The following DEPDC7 variants were observed in gnomAD, a reference collection of about 807,000 sequenced individuals.
The protein encoded by DEPDC7 is DEP domain containing 7, also known as DEP domain-containing protein 7.
A neutral mutation model predicts 56.6 loss-of-function variants in DEPDC7; 41 were observed. That is an observed-to-expected ratio of 0.72 (90% CI 0.56 to 0.94). DEPDC7 has a LOEUF of 0.94. DEPDC7 is among the 40% of genes least tolerant of loss of function. The probability of loss-of-function intolerance (pLI) is 0.00; values close to 1 mark genes in which losing one functional copy is unlikely to be tolerated. For synonymous variants in DEPDC7, 185 were observed against 208.8 expected (o/e 0.89, Z 0.98); for missense variants, 522 against 596.3 (o/e 0.88, Z 1.30).
chr11:33,028,657 ACCTT>A lies in DEPDC7; in HGVS notation c.650_653del (p.Leu217HisfsTer7). ...ATTGGGCGTCTACTACAACTTGTAG[ACCTT>A]CCACTTCTTGACTCCTTACTGAAAC... On this transcript the variant is annotated frameshift_variant, in exon 4 of 9. Coordinates refer to ENST00000241051, the MANE Select transcript of DEPDC7 (RefSeq NM_001077242.2). LOFTEE classifies it high-confidence loss of function. 2 of 1,613,448 alleles carry A rather than the reference ACCTT, an allele frequency of 1.2e-6. No homozygotes were observed. Among genetic ancestry groups the A allele is most frequent in the Non-Finnish European group, 1.7e-6 (2 of 1,179,826 alleles).
At chr11:33,031,985 TTTCTC>T (rs35089150) in intron 5 of DEPDC7, among the ~76,000 whole-genome samples, 60,681 of 151,514 alleles carry the variant, frequency 0.4, 12,224 homozygotes, top group East Asian at 0.45. Flanking sequence ...TTTCAGAAAA[TTTCTC>T]TTATTTTTCT....
At chr11:33,032,001 C>G (rs1228786751) in intron 5 of DEPDC7, among the ~76,000 whole-genome samples, 3 of 152,050 alleles carry the variant, frequency 2.0e-5, no homozygotes, top group Non-Finnish European at 1.5e-5. Flanking sequence ...TTATTTTTCT[C>G]AAGGAGAGTT....
In DEPDC7 at chr11:33,025,656, T is replaced by C. The variant is rs1444547475; in HGVS notation, c.74-3T>C. The C allele has an allele frequency of 3.1e-6, 5 of 1,595,162 alleles. No homozygotes were observed. Among genetic ancestry groups the C allele is most frequent in the Non-Finnish European group, 4.3e-6 (5 of 1,167,098 alleles). On this transcript the variant is annotated splice_region_variant and splice_polypyrimidine_tract_variant and intron_variant, in intron 1 of 8. Coordinates refer to ENST00000241051, the MANE Select transcript of DEPDC7 (RefSeq NM_001077242.2). Reference sequence around the variant, plus strand: ...AGTTTCTCTATGATTTTTCTCCTTCTAGGTTTCAGTGTAGCTCAGAAGCCA... The same window carrying C: ...AGTTTCTCTATGATTTTTCTCCTTCCAGGTTTCAGTGTAGCTCAGAAGCCA...
Position 33,027,687 on chromosome 11 carries a change from T to C in DEPDC7, c.466T>C (p.Tyr156His), listed in dbSNP as rs576262565. The change falls in exon 3 of 9, where the codon TAT (tyrosine) becomes CAT (histidine). Residue 156 changes from tyrosine to histidine, a missense_variant and splice_region_variant. By Grantham distance (83) the Tyr-to-His change is moderately conservative. Coordinates refer to ENST00000241051, the MANE Select transcript of DEPDC7 (RefSeq NM_001077242.2). ...ATTTCTGAAATAAATTCATTTTAGG[T>C]ATGCAGATGCATTATTTAAGTCATC... ...KENKLYSPAR[Y>H]ADALFKSSDI... The C allele has an allele frequency of 5.3e-6, 8 of 1,509,172 alleles. No homozygotes were observed. The East Asian group carries it at 1.3e-4, about 24-fold the overall frequency. The allele number at this position is 1,509,172 out of a possible 1,614,324, so 93.5% of individuals were successfully genotyped here. A position where few individuals can be genotyped will look rare whatever the true frequency, so the allele number is the denominator to read the frequency against.
intron 1 of DEPDC7, among the ~76,000 whole-genome samples, chr11:33,021,022 G>A (rs1481457123): frequency 6.6e-6 from 1 of 152,136 alleles, no homozygotes; most frequent in East Asian, 1.9e-4. Flanking sequence ...GCCGAGGTGG[G>A]TGGATCACGA....
In DEPDC7 at chr11:33,033,134, G is replaced by A. The variant is rs1182614179; in HGVS notation, c.1343-128G>A. On this transcript the variant is annotated intron_variant, in intron 8 of 8. Coordinates refer to ENST00000241051, the MANE Select transcript of DEPDC7 (RefSeq NM_001077242.2). ...TTACAAGTGTTAGAAAGTCAGCAGTGCTTACCATCTTCAGTGCATATTACA... is the reference window on the plus strand; with the variant it reads ...TTACAAGTGTTAGAAAGTCAGCAGTACTTACCATCTTCAGTGCATATTACA... 5 of 880,418 alleles carry A rather than the reference G, an allele frequency of 5.7e-6. No homozygotes were observed. In the Admixed American group the frequency reaches 1.2e-4, roughly 22 times the overall value. The allele number at this position is 880,418 out of a possible 1,614,324, so 54.5% of individuals were successfully genotyped here.
At chr11:33,024,350 A>C (rs1213541161) in intron 1 of DEPDC7, among the ~76,000 whole-genome samples, 1 of 152,246 alleles carries the variant, frequency 6.6e-6, no homozygotes, top group African/African-American at 2.4e-5. Context: ...CCGCGCATAC[A>C]AAGTATTTAA....
intron 8 of DEPDC7, 58 bp from the exon 9 acceptor site, chr11:33,033,204 T>A: frequency 1.5e-6 from 2 of 1,294,640 alleles, no homozygotes; most frequent in Non-Finnish European, 2.2e-6. Flanking sequence ...GCTTGATTTT[T>A]CTGCTTAAAT....
At chr11:33,027,600 A>C in intron 2 of DEPDC7, 86 bp from the exon 3 acceptor site, 2 of 1,283,760 alleles carry the variant, frequency 1.6e-6, no homozygotes, top group Non-Finnish European at 2.0e-6. Flanking sequence ...GAAATGCATA[A>C]CTCTGTAGAA....
intron 5 of DEPDC7, 81 bp from the exon 6 acceptor site, chr11:33,032,255 T>C: frequency 7.6e-7 from 1 of 1,318,418 alleles, no homozygotes; most frequent in Non-Finnish European, 1.0e-6. Flanking sequence ...ACTTTTTAAC[T>C]CAAACTGTAA....
rs200200424 is a variant in DEPDC7, at chr11:33,027,753, C to G, written c.532C>G (p.Leu178Val). The change falls in exon 3 of 9, where the codon CTG becomes GTG. Residue 178 changes from leucine to valine, a missense_variant. Coordinates refer to ENST00000241051, the MANE Select transcript of DEPDC7 (RefSeq NM_001077242.2). ...CAGTTTAGAGGACCTGTGGGAAAAT[C>G]TGAGTTTAAAGCCTGCCAACTCCCC... Reference protein sequence around the residue: ...SASLEDLWENLSLKPANSPHV... With the variant: ...SASLEDLWENVSLKPANSPHV... 6.3e-7 allele frequency: 1 copy of G among 1,578,754 alleles called. No homozygotes were observed. The highest frequency in any genetic ancestry group is 8.6e-7 in the Non-Finnish European group (1 of 1,167,060).
intron 3 of DEPDC7, 121 bp downstream of exon 3, chr11:33,027,934 G>A: frequency 1.0e-6 from 1 of 964,382 alleles, no homozygotes; most frequent in Non-Finnish European, 1.4e-6. Flanking sequence ...AGTGCACTAT[G>A]TATTAAAGCT....
In DEPDC7 at chr11:33,028,638, C is replaced by A. The variant is rs749658035; in HGVS notation, c.628C>A (p.Arg210Ser). The change falls in exon 4 of 9, where the codon CGT becomes AGT. Residue 210 changes from arginine to serine, a missense_variant. Arg to Ser is a moderately radical substitution (Grantham distance 110, BLOSUM62 -1). Transcript: ENST00000241051. ...NEVWQEETIG[R>S]LLQLVDLPLL... ...AGTGTGGCAAGAAGAAACAATTGGG[C>A]GTCTACTACAACTTGTAGACCTTCC... 6.2e-7 allele frequency: 1 copy of A among 1,601,898 alleles called. No individual in the cohort carries two copies. The highest frequency in any genetic ancestry group is 1.7e-4 in the Middle Eastern group (1 of 5,992).
chr11:33,033,021 T>G, intron 8 of DEPDC7, 54 bp downstream of exon 8: 1 of 1,385,680 alleles, frequency 7.2e-7, no homozygotes, highest in South Asian at 1.3e-5. Context: ...TTCAGGTGTT[T>G]TTTGAAAATG....
chr11:33,016,810 C>T (rs542660470), intron 1 of DEPDC7, among the ~76,000 whole-genome samples: 9 of 152,254 alleles, frequency 5.9e-5, no homozygotes, highest in Admixed American at 5.9e-4. Flanking sequence ...ATCTACAACC[C>T]AGTTAATAGG....
intron 1 of DEPDC7, among the ~76,000 whole-genome samples, chr11:33,018,200 T>C (rs565888812): frequency 2.0e-5 from 3 of 152,362 alleles, no homozygotes; most frequent in East Asian, 3.9e-4. Context: ...AAAAGTGTTG[T>C]AATCTTGGGA....
Position 33,032,760 on chromosome 11 carries a change from CT to C in DEPDC7, c.1235del (p.Leu412Ter). 1.9e-6 allele frequency: 3 copies of C among 1,604,086 alleles called. No individual in the cohort carries two copies. Among genetic ancestry groups the C allele is most frequent in the Non-Finnish European group, 2.5e-6 (3 of 1,176,930 alleles). ...AAGGCAAAACAGATCTTCTGGTACTCTTTTTAATGGATCATCAGAAAGATGT... is the reference window on the plus strand; with the variant it reads ...AAGGCAAAACAGATCTTCTGGTACTCTTTTAATGGATCATCAGAAAGATGT... The part of the protein sequence containing the change: ...SKGKTDLLVL[F>X]LMDHQKDVFK... On this transcript the variant is annotated frameshift_variant, in exon 7 of 9. Coordinates refer to ENST00000241051, the MANE Select transcript of DEPDC7 (RefSeq NM_001077242.2). LOFTEE classifies it high-confidence loss of function.
chr11:33,027,559 T>C lies in DEPDC7; in HGVS notation c.465-127T>C, dbSNP rs1853591487. 11 of 727,694 alleles carry C rather than the reference T, an allele frequency of 1.5e-5. No homozygotes were observed. In the East Asian group the frequency reaches 3.6e-4, roughly 24 times the overall value. The allele number at this position is 727,694 out of a possible 1,614,324, so 45.1% of individuals were successfully genotyped here. A position where few individuals can be genotyped will look rare whatever the true frequency, so the allele number is the denominator to read the frequency against. Reference sequence around the variant, plus strand: ...GGTGTTTTTATAATTTATTCTACTCTTAGAATTTGGATTTGTTGTGTTTTT... The same window carrying C: ...GGTGTTTTTATAATTTATTCTACTCCTAGAATTTGGATTTGTTGTGTTTTT... On this transcript the variant is annotated intron_variant, in intron 2 of 8. Transcript: ENST00000241051.
chr11:33,032,762 T>C lies in DEPDC7; in HGVS notation c.1232T>C (p.Phe411Ser), dbSNP rs1853646813. 1 of 1,604,794 alleles carries C rather than the reference T, an allele frequency of 6.2e-7. No homozygotes were observed. Among genetic ancestry groups the C allele is most frequent in the Admixed American group, 1.7e-5 (1 of 57,706 alleles). The change falls in exon 7 of 9, where the codon TTT becomes TCT. Residue 411 changes from phenylalanine (F) to serine (S), a missense_variant. Coordinates refer to ENST00000241051, the MANE Select transcript of DEPDC7 (RefSeq NM_001077242.2). ...SKGKTDLLVL[F>S]LMDHQKDVFK... is the part of the protein sequence containing the mutation. ...GGCAAAACAGATCTTCTGGTACTCT[T>C]TTTAATGGATCATCAGAAAGATGTT... is the stretch of plus-strand genomic sequence containing the variant.
Sources: gnomAD v4.1 joint callset for allele counts (sites outside exome capture counted in the v4.1 genomes callset) on GRCh38, gnomAD v4.1.1 for gene constraint, MANE v1.5 for transcripts, NCBI Gene and HGNC (gene_info 2026-07-23, HGNC 2026-07-21) for gene names.